Variants in ABCC8 observed in about 807,000 individuals in gnomAD.
ABCC8 encodes ATP binding cassette subfamily C member 8.
In ABCC8, 137 loss-of-function variants were observed where a neutral mutation model predicts 188.0. The ratio of observed to expected loss-of-function variants is 0.73; its 90% CI spans 0.63 to 0.84. The LOEUF (loss-of-function observed/expected upper bound fraction) is 0.84. ABCC8 is among the 40% of genes least tolerant of loss of function. ABCC8 has a pLI of 0.00. For missense variants in ABCC8, 1,750 were observed against 2,072.7 expected, an observed-to-expected ratio of 0.84 and a Z score of 3.02; for synonymous variants, 797 against 846.5, an observed-to-expected ratio of 0.94 and a Z score of 1.01.
rs768053315 is a variant in ABCC8, at chr11:17,427,052, C to T, written c.2219G>A (p.Ser740Asn). ...GCCCTGAGGATACATGTATTACCTG[C>T]TCCAGAAGACAGCCCCTGAGACCTT... ...MQKVSGAVFW[S>N]SLPDSEIGED... Residue 740 changes from serine to asparagine, a missense_variant, in exon 16 of 39, where the codon AGC becomes AAC. Coordinates refer to ENST00000389817, the MANE Select transcript of ABCC8 (RefSeq NM_000352.6). This position sits in a 1 kb window ranked among gnomAD's most constrained non-coding sequence, Gnocchi z 5.0. The T allele has an allele frequency of 1.2e-6, 2 of 1,613,898 alleles. No homozygotes were observed. The highest frequency in any genetic ancestry group is 3.3e-5 in the Admixed American group (2 of 59,990).
chr11:17,467,979 AG>A, intron 3 of ABCC8, among the ~76,000 whole-genome samples: 2 of 151,554 alleles, frequency 1.3e-5, no homozygotes, highest in Admixed American at 1.3e-4. Flanking sequence ...ATGTCCAGAC[AG>A]GGTGTTTCCA....
At chr11:17,415,628 C>T (rs1328076130) in intron 17 of ABCC8, among the ~76,000 whole-genome samples, 1 of 152,194 alleles carries the variant, frequency 6.6e-6, no homozygotes, top group Non-Finnish European at 1.5e-5. Context: ...GAAAACTTGT[C>T]AGATCAGGAG....
chr11:17,439,091 G>A (rs1168279275), intron 10 of ABCC8, among the ~76,000 whole-genome samples: 2 of 152,106 alleles, frequency 1.3e-5, no homozygotes, highest in Non-Finnish European at 2.9e-5. Flanking sequence ...CTCCTTCCTG[G>A]TGCTTGGCAC....
chr11:17,435,897 G>A (rs2133569106), intron 10 of ABCC8: 1 of 1,348,564 alleles, frequency 7.4e-7, no homozygotes, highest in South Asian at 1.2e-5. Context: ...AAGACTCAAA[G>A]TTCCCAGGGA....
chr11:17,475,281 G>A (rs1224527993), intron 1 of ABCC8, among the ~76,000 whole-genome samples: 1 of 152,164 alleles, frequency 6.6e-6, no homozygotes, highest in Non-Finnish European at 1.5e-5. Context: ...GCAGTGCCAC[G>A]ATCACGGCTC....
chr11:17,405,745 C>A (rs150917879), intron 26 of ABCC8, 182 bp from the exon 27 acceptor site: 4 of 764,894 alleles, frequency 5.2e-6, no homozygotes, highest in Non-Finnish European at 6.4e-6. Flanking sequence ...CCCAAAGGGG[C>A]GCTGGCCTTT....
At chr11:17,416,594 T>A (rs1036576946) in intron 17 of ABCC8, among the ~76,000 whole-genome samples, 1 of 152,148 alleles carries the variant, frequency 6.6e-6, no homozygotes, top group African/African-American at 2.4e-5. Flanking sequence ...CCCATACACA[T>A]TGGCAGTCCC....
chr11:17,397,314 C>T lies in ABCC8; in HGVS notation c.3868-1G>A, dbSNP rs766431403. 7.5e-6 allele frequency: 12 copies of T among 1,610,562 alleles called. No individual in the cohort carries two copies. The South Asian group carries it at 1.2e-4, about 16-fold the overall frequency. On this transcript the variant is annotated splice_acceptor_variant, in intron 31 of 38. Transcript: ENST00000389817. LOFTEE classifies it high-confidence loss of function. Reference sequence around the variant, plus strand: ...CCATCCAGTTGAGGTAGTTGGAGACCTGTGGGGAGCAAGCCAGTGGCGCAC... The same window carrying T: ...CCATCCAGTTGAGGTAGTTGGAGACTTGTGGGGAGCAAGCCAGTGGCGCAC...
intron 2 of ABCC8, 124 bp downstream of exon 2, chr11:17,474,762 G>T: frequency 1.8e-6 from 2 of 1,092,712 alleles, no homozygotes; most frequent in Non-Finnish European, 1.4e-6. Context: ...AAGACACTGA[G>T]CTGCTGGATG....
chr11:17,396,065 T>A (rs1467929950), intron 33 of ABCC8, 135 bp from the exon 34 acceptor site: 1 of 1,512,974 alleles, frequency 6.6e-7, no homozygotes, highest in Admixed American at 2.0e-5. Flanking sequence ...GACTAGTTTC[T>A]CTTTGGACAC....
At position 17,416,929 on chromosome 11, in the gene ABCC8, C is replaced by T; in HGVS notation, c.2255+1G>A. 2 of 1,580,306 alleles carry T rather than the reference C, an allele frequency of 1.3e-6. No homozygotes were observed. Among genetic ancestry groups the T allele is most frequent in the African/African-American group, 1.4e-5 (1 of 73,876 alleles). On this transcript the variant is annotated splice_donor_variant, in intron 17 of 38. Transcript: ENST00000389817. LOFTEE classifies it high-confidence loss of function. ...CTTCTGACCCAGTCCCAAGGCTGTACCTGGGGTCCTCTCCTATCTCGCTGT... is the reference window on the plus strand; with the variant it reads ...CTTCTGACCCAGTCCCAAGGCTGTATCTGGGGTCCTCTCCTATCTCGCTGT...
At chr11:17,433,847 C>T (rs1955959187) in intron 10 of ABCC8, among the ~76,000 whole-genome samples, 2 of 152,224 alleles carry the variant, frequency 1.3e-5, no homozygotes, top group African/African-American at 4.8e-5. Context: ...TCAATACCAA[C>T]ATCATACATG....
chr11:17,453,524 G>A (rs548057643), intron 6 of ABCC8, among the ~76,000 whole-genome samples: 49 of 152,214 alleles, frequency 3.2e-4, no homozygotes, highest in African/African-American at 1.1e-3. Flanking sequence ...AACAGAATGG[G>A]GCCCAATTAC....
intron 10 of ABCC8, among the ~76,000 whole-genome samples, chr11:17,432,881 GT>G (rs1187852002): frequency 1.3e-5 from 2 of 152,176 alleles, no homozygotes; most frequent in African/African-American, 4.8e-5. Flanking sequence ...GGGACTTGGT[GT>G]GACAGAAGGG....
chr11:17,406,548 T>A, intron 26 of ABCC8, 74 bp downstream of exon 26: 1 of 1,450,642 alleles, frequency 6.9e-7, no homozygotes, highest in Non-Finnish European at 9.4e-7. Flanking sequence ...ATCCCCATTT[T>A]ATAGATGGGA....
At chr11:17,435,764 C>T in intron 10 of ABCC8, 2 of 1,347,810 alleles carry the variant, frequency 1.5e-6, no homozygotes, top group Non-Finnish European at 2.1e-6. Flanking sequence ...AGGCCTTTTC[C>T]TAGGTCCCAC....
Position 17,393,264 on chromosome 11 carries a change from A to C in ABCC8, c.4609-136T>G, listed in dbSNP as rs367762208. 9.6e-6 allele frequency: 12 copies of C among 1,247,648 alleles called. No individual in the cohort carries two copies. The East Asian group carries it at 3.0e-4, about 31-fold the overall frequency. 77.3% of individuals were successfully genotyped at this position (1,247,648 alleles called of 1,614,324 possible). On this transcript the variant is annotated intron_variant, in intron 38 of 38. Coordinates refer to ENST00000389817, the MANE Select transcript of ABCC8 (RefSeq NM_000352.6). Reference sequence around the variant, plus strand: ...GCCAGAATGTCCTGTCACTGTGGGGACTGCACTTTCCTGGGGTGGATGTGA... The same window carrying C: ...GCCAGAATGTCCTGTCACTGTGGGGCCTGCACTTTCCTGGGGTGGATGTGA...
chr11:17,395,807 T>A (rs774302011), intron 34 of ABCC8, 45 bp downstream of exon 34: 4 of 1,556,462 alleles, frequency 2.6e-6, no homozygotes, highest in Admixed American at 1.9e-5. Flanking sequence ...TGAGGCCTCA[T>A]CTGGTGGCTG....
At position 17,436,084 on chromosome 11, in the gene ABCC8, G is replaced by A. The variant is rs79293117; in HGVS notation, c.1631-3840C>T. 831 of 895,586 alleles carry A rather than the reference G, an allele frequency of 9.3e-4. 1 individual carries two copies. Among genetic ancestry groups the A allele is most frequent in the Non-Finnish European group, 1.4e-3 (761 of 528,110 alleles). The allele number at this position is 895,586 out of a possible 1,614,324, so 55.5% of individuals were successfully genotyped here. On this transcript the variant is annotated intron_variant, in intron 10 of 38. Coordinates refer to ENST00000389817, the MANE Select transcript of ABCC8 (RefSeq NM_000352.6). ...GAACTGCTCCATCTCTTCTTTGGCT[G>A]TGATTCCCAAAGGAACAGCATTTCT...
Sources: allele counts gnomAD v4.1 joint callset (sites outside exome capture counted in the v4.1 genomes callset), GRCh38; gene constraint gnomAD v4.1.1; non-coding constraint Gnocchi (gnomAD v3.1); transcripts MANE v1.5; gene names NCBI Gene and HGNC (gene_info 2026-07-23, HGNC 2026-07-21).